TG: variants seen among roughly 807,000 people sequenced by gnomAD.
The protein encoded by TG is thyroglobulin, also known as thyroid hormones.
Under a neutral mutation model 324.7 loss-of-function variants are expected in TG, and 270 were observed. The ratio of observed to expected loss-of-function variants is 0.83; its 90% CI spans 0.75 to 0.92. The LOEUF (loss-of-function observed/expected upper bound fraction) is 0.92. Ranked by LOEUF, TG falls within the 40% of genes least tolerant of loss-of-function variation. The pLI, the probability that TG is intolerant of heterozygous loss-of-function variation, is 0.00. For missense variants in TG, 3,591 were observed against 3,456.4 expected (o/e 1.04, Z -0.98); for synonymous variants, 1,401 against 1,327.0 (o/e 1.06, Z -1.21).
intron 47 of TG, 83 bp downstream of exon 47, chr8:133,133,743 G>C: frequency 6.7e-7 from 1 of 1,497,818 alleles, no homozygotes; most frequent in South Asian, 1.2e-5. Context: ...CCTGTGCTGC[G>C]CGCGCATTGG....
intron 45 of TG, among the ~76,000 whole-genome samples, chr8:133,129,297 C>G (rs1160452123): frequency 6.6e-6 from 1 of 152,242 alleles, no homozygotes; most frequent in Non-Finnish European, 1.5e-5. Context: ...AAGCAGTGCT[C>G]TGTGGCCTTT....
At chr8:133,004,425 C>T (rs1436440757) in intron 35 of TG, among the ~76,000 whole-genome samples, 1 of 152,152 alleles carries the variant, frequency 6.6e-6, no homozygotes, top group African/African-American at 2.4e-5. Context: ...TGCACTGTGA[C>T]CTGGGGCTGC....
At chr8:133,027,488 A>T (rs1836209260) in intron 40 of TG, among the ~76,000 whole-genome samples, 1 of 152,116 alleles carries the variant, frequency 6.6e-6, no homozygotes, top group South Asian at 2.1e-4. Context: ...GGATGAGAAG[A>T]ACTGGAGCTG....
chr8:133,103,601 AT>A (rs1849529932), intron 43 of TG, among the ~76,000 whole-genome samples: 1 of 152,180 alleles, frequency 6.6e-6, no homozygotes, highest in African/African-American at 2.4e-5. Flanking sequence ...TTATTATTAT[AT>A]TTTTTCTTCT....
intron 41 of TG, chr8:133,060,213 A>C: frequency 1.9e-6 from 3 of 1,613,318 alleles, no homozygotes; most frequent in Non-Finnish European, 1.7e-6. Context: ...GTGGTATAGG[A>C]GACAGACGGG....
At chr8:132,967,566 G>T (rs1828809506) in intron 30 of TG, among the ~76,000 whole-genome samples, 1 of 152,134 alleles carries the variant, frequency 6.6e-6, no homozygotes, top group Non-Finnish European at 1.5e-5. Context: ...TGTCCCTTAT[G>T]CCTTCAACTC....
chr8:133,045,003 G>C, intron 41 of TG: 4 of 1,614,116 alleles, frequency 2.5e-6, no homozygotes, highest in Non-Finnish European at 3.4e-6. Flanking sequence ...GGTTCACCAG[G>C]TCCTCCAGGC....
Position 132,887,046 on chromosome 8 carries a change from A to G in TG, c.1674A>G (p.Leu558=), listed in dbSNP as rs1410280008. Residue 558 remains leucine (L), a synonymous_variant, in exon 9 of 48, where the codon CTA becomes CTG. Transcript: ENST00000220616. ...TVGSFGFEIN[L]QENQNALKFL... ...GCAGCTTTGGCTTTGAAATTAACCT[A>G]CAAGAGAACCAAAATGCCCTCAAAT... The G allele has an allele frequency of 1.9e-6, 3 of 1,614,236 alleles. No homozygotes were observed. The highest frequency in any genetic ancestry group is 2.2e-5 in the East Asian group (1 of 44,884).
chr8:132,940,932 G>T (rs1390842423), intron 25 of TG, among the ~76,000 whole-genome samples: 1 of 152,326 alleles, frequency 6.6e-6, no homozygotes, highest in Admixed American at 6.5e-5. Flanking sequence ...AAACTAATTT[G>T]TGTGACAGAA....
Position 132,933,650 on chromosome 8 carries a change from A to G in TG, c.4906A>G (p.Asn1636Asp). Reference protein sequence around the residue: ...SCDFYAWTSDNVACMTSDQKR... With the variant: ...SCDFYAWTSDDVACMTSDQKR... ...TGATTTCTATGCTTGGACAAGTGAC[A>G]ATGTTGCCTGCATGACTTCTGACCA... Residue 1636 changes from asparagine to aspartate, a missense_variant, in exon 24 of 48, where the codon AAT becomes GAT. Coordinates refer to ENST00000220616, the MANE Select transcript of TG (RefSeq NM_003235.5). 6.2e-7 allele frequency: 1 copy of G among 1,614,114 alleles called. No homozygotes were observed. The highest frequency in any genetic ancestry group is 8.5e-7 in the Non-Finnish European group (1 of 1,180,024).
In TG at chr8:132,971,880, A is replaced by G. The variant is rs73353474; in HGVS notation, c.6055+7A>G. 3.9e-3 allele frequency: 6,236 copies of G among 1,598,672 alleles called. 209 individuals carry two copies. In the African/African-American group the frequency reaches 0.074, roughly 19 times the overall value. ...AATGTTTCCCAGTTAAAAGGTAATA[A>G]TGGTAACAACTTCCTCTCCCCTGCG... On this transcript the variant is annotated splice_region_variant and intron_variant, in intron 33 of 47. Transcript: ENST00000220616.
chr8:133,013,216 G>GT (rs1834676386), intron 36 of TG, among the ~76,000 whole-genome samples: 1 of 152,220 alleles, frequency 6.6e-6, no homozygotes, highest in African/African-American at 2.4e-5. Flanking sequence ...CCATCCCCTG[G>GT]TACAGTGCCT....
chr8:132,969,696 A>G (rs1357124257), intron 32 of TG, 127 bp downstream of exon 32: 1 of 725,684 alleles, frequency 1.4e-6, no homozygotes, highest in East Asian at 2.7e-5. Flanking sequence ...GCTGATCACG[A>G]GGTCAAGAGA....
At chr8:133,096,456 A>T in intron 43 of TG, 83 bp downstream of exon 43, 1 of 1,525,578 alleles carries the variant, frequency 6.6e-7, no homozygotes, top group East Asian at 2.3e-5. Context: ...TGATCAAGAG[A>T]TATTGACCAA....
chr8:132,961,704 G>A (rs1827784724), intron 28 of TG, among the ~76,000 whole-genome samples: 4 of 152,204 alleles, frequency 2.6e-5, no homozygotes, highest in South Asian at 2.1e-4. Flanking sequence ...GGCCTCAGGA[G>A]GGAGCAGATA....
intron 41 of TG, among the ~76,000 whole-genome samples, chr8:133,091,996 T>C (rs747205274): frequency 9.9e-5 from 15 of 152,196 alleles, no homozygotes; most frequent in Non-Finnish European, 1.6e-4. Context: ...TCAGTGTCTG[T>C]GTGTGTCCTT....
At chr8:133,117,034 C>T (rs1850754242) in intron 45 of TG, among the ~76,000 whole-genome samples, 1 of 152,216 alleles carries the variant, frequency 6.6e-6, no homozygotes. Flanking sequence ...TGAGCACTAG[C>T]TTAAGACATT....
rs915097805 is a variant in TG at position 132,873,302 on chromosome 8, T to A, written c.638+81T>A. 7 of 1,546,734 alleles carry A rather than the reference T, an allele frequency of 4.5e-6. No homozygotes were observed. The East Asian group carries it at 6.9e-5, about 15-fold the overall frequency. Reference sequence around the variant, plus strand: ...TCACCTTGAGCTGGGGGCCTCCATGTGTCATATGTGCAGCATGATAAGGAA... The same window carrying A: ...TCACCTTGAGCTGGGGGCCTCCATGAGTCATATGTGCAGCATGATAAGGAA... On this transcript the variant is annotated intron_variant, in intron 5 of 47. Transcript: ENST00000220616.
Position 133,090,013 on chromosome 8 carries a change from G to A in TG, c.7240-5031G>A, listed in dbSNP as rs370768080. On this transcript the variant is annotated intron_variant, in intron 41 of 47. Coordinates refer to ENST00000220616, the MANE Select transcript of TG (RefSeq NM_003235.5). The stretch of plus-strand genomic sequence containing the variant: ...GCTGATTACTGGACAGAGCTCATCT[G>A]GAGGTCACCAGTACATATGTCCTGC... The A allele has an allele frequency of 8.5e-5, 13 of 152,308 alleles. No homozygotes were observed. The East Asian group carries it at 9.7e-4, about 11-fold the overall frequency. The allele number at this position is 152,308 out of a possible 1,614,324, so 9.4% of individuals were successfully genotyped here. A position where few individuals can be genotyped will look rare whatever the true frequency, so the allele number is the denominator to read the frequency against.
Sources: gnomAD v4.1 joint callset for allele counts (sites outside exome capture counted in the v4.1 genomes callset) on GRCh38, gnomAD v4.1.1 for gene constraint, MANE v1.5 for transcripts, NCBI Gene and HGNC (gene_info 2026-07-23, HGNC 2026-07-21) for gene names.